GRID1: variants seen among roughly 807,000 people sequenced by gnomAD.
The protein encoded by GRID1 is glutamate ionotropic receptor delta type subunit 1.
Under a neutral mutation model 98.0 loss-of-function variants are expected in GRID1, and 28 were observed. The ratio of observed to expected loss-of-function variants is 0.29; its 90% confidence interval spans 0.21 to 0.39. The LOEUF is 0.39. GRID1 is among the 10% of genes least tolerant of loss of function. GRID1 has a pLI of 1.00. For synonymous variants in GRID1, 553 were observed against 538.5 expected (o/e 1.03, Z -0.37); for missense variants, 1,111 against 1,340.5 (o/e 0.83, Z 2.67).
chr10:86,127,505 A>C (rs1844771687), intron 4 of GRID1, among the ~76,000 whole-genome samples: 1 of 152,166 alleles, frequency 6.6e-6, no homozygotes, highest in Non-Finnish European at 1.5e-5. Flanking sequence ...TGCTCCTGAA[A>C]AAGATCCGAA....
chr10:85,631,861 G>A (rs1442727815), intron 13 of GRID1, among the ~76,000 whole-genome samples: 1 of 152,148 alleles, frequency 6.6e-6, no homozygotes, highest in Admixed American at 6.5e-5. Context: ...CCAGGAAATT[G>A]AAACAACTTA....
chr10:85,712,427 T>C (rs969762861), intron 12 of GRID1, among the ~76,000 whole-genome samples: 4 of 151,858 alleles, frequency 2.6e-5, no homozygotes, highest in African/African-American at 9.7e-5. Flanking sequence ...AAATATGTTA[T>C]GTAAATTTTG....
At chr10:86,047,506 T>G (rs1843440381) in intron 4 of GRID1, among the ~76,000 whole-genome samples, 1 of 152,216 alleles carries the variant, frequency 6.6e-6, no homozygotes, top group African/African-American at 2.4e-5. Flanking sequence ...TCATGGTTAA[T>G]TAGTACTTTT....
At chr10:85,742,009 G>C (rs1259143013) in intron 8 of GRID1, among the ~76,000 whole-genome samples, 1 of 152,064 alleles carries the variant, frequency 6.6e-6, no homozygotes, top group East Asian at 1.9e-4. Context: ...GGCCTTCTCA[G>C]GTTCAATCTT....
intron 5 of GRID1, among the ~76,000 whole-genome samples, chr10:85,912,396 T>C (rs934909958): frequency 2.6e-5 from 4 of 152,226 alleles, no homozygotes; most frequent in Non-Finnish European, 5.9e-5. Context: ...CTGCGTGCAA[T>C]TATTTCGTCT....
chr10:86,306,807 C>T (rs1324124887), intron 2 of GRID1, among the ~76,000 whole-genome samples: 1 of 152,210 alleles, frequency 6.6e-6, no homozygotes, highest in East Asian at 1.9e-4. Context: ...TCCAGAGAGC[C>T]AGACAGTTCT....
At chr10:85,863,019 T>C (rs1304816859) in intron 6 of GRID1, among the ~76,000 whole-genome samples, 4 of 152,098 alleles carry the variant, frequency 2.6e-5, no homozygotes. Context: ...GCAGCTACAA[T>C]GCAAATGCCC....
intron 8 of GRID1, among the ~76,000 whole-genome samples, chr10:85,853,682 C>T (rs1289673152): frequency 6.6e-6 from 1 of 152,224 alleles, no homozygotes; most frequent in African/African-American, 2.4e-5. Context: ...TACCCACCAT[C>T]AGCTCCACAT....
chr10:86,006,615 T>TA lies in GRID1; in HGVS notation c.727-90377dup, dbSNP rs756394543. Among the ~76,000 whole-genome samples the TA allele has an allele frequency of 1.7e-3, 244 of 140,748 alleles. 1 individual carries two copies. The highest frequency in any genetic ancestry group is 0.011 in the Middle Eastern group (3 of 282). The allele number at this position is 140,748 out of a possible 152,430, so 92.3% of individuals were successfully genotyped here. On this transcript the variant is annotated intron_variant, in intron 4 of 15. Transcript: ENST00000327946. ...CCTGGCGACAGAGCGAGACGCCGTC[T>TA]AAAAAAAAAAAAGCACTTAAATGAC...
At chr10:86,090,478 G>A (rs1246379287) in intron 4 of GRID1, among the ~76,000 whole-genome samples, 2 of 150,978 alleles carry the variant, frequency 1.3e-5, no homozygotes, top group Non-Finnish European at 2.9e-5. Flanking sequence ...AGACAGAATA[G>A]ACTGAAATTT....
chr10:86,116,059 C>T (rs1294509899), intron 4 of GRID1, among the ~76,000 whole-genome samples: 1 of 152,148 alleles, frequency 6.6e-6, no homozygotes. Flanking sequence ...GTAGGCTGTA[C>T]TGTCTAGGTT....
chr10:86,319,162 A>G (rs1352052891), intron 2 of GRID1, among the ~76,000 whole-genome samples: 1 of 152,160 alleles, frequency 6.6e-6, no homozygotes, highest in Non-Finnish European at 1.5e-5. Flanking sequence ...GGAGGCACCC[A>G]GGGAGAAAGG....
At chr10:86,354,426 C>T (rs946784717) in intron 2 of GRID1, among the ~76,000 whole-genome samples, 1 of 152,192 alleles carries the variant, frequency 6.6e-6, no homozygotes, top group Non-Finnish European at 1.5e-5. Flanking sequence ...CCGGCACCCA[C>T]GCCCTCAATG....
intron 2 of GRID1, among the ~76,000 whole-genome samples, chr10:86,335,824 C>T (rs773847028): frequency 3.3e-5 from 5 of 152,240 alleles, no homozygotes; most frequent in Non-Finnish European, 7.3e-5. Flanking sequence ...AAACTCCTCA[C>T]ACTTCCCATG....
At chr10:85,909,299 G>A (rs951983646) in intron 5 of GRID1, among the ~76,000 whole-genome samples, 3 of 152,142 alleles carry the variant, frequency 2.0e-5, no homozygotes, top group Non-Finnish European at 2.9e-5. Context: ...ACCAAGTACC[G>A]AAGAGGATAT....
intron 9 of GRID1, 86 bp from the exon 10 acceptor site, chr10:85,728,138 G>T: frequency 2.0e-6 from 2 of 1,011,526 alleles, no homozygotes; most frequent in Non-Finnish European, 3.1e-6. Flanking sequence ...AGAAAGATCT[G>T]ATTAGAACAT....
At chr10:85,753,835 T>G (rs1842070707) in intron 8 of GRID1, among the ~76,000 whole-genome samples, 1 of 152,182 alleles carries the variant, frequency 6.6e-6, no homozygotes, top group South Asian at 2.1e-4. Context: ...CCCTTCTTCT[T>G]GTGTTCCGGA....
chr10:86,029,157 C>T (rs1843153328), intron 4 of GRID1, among the ~76,000 whole-genome samples: 1 of 152,196 alleles, frequency 6.6e-6, no homozygotes, highest in Non-Finnish European at 1.5e-5. Flanking sequence ...TTAACATTTC[C>T]AAAAACACAC....
intron 4 of GRID1, among the ~76,000 whole-genome samples, chr10:85,990,911 T>C (rs534728352): frequency 6.6e-6 from 1 of 152,166 alleles, no homozygotes; most frequent in Non-Finnish European, 1.5e-5. Context: ...ATGATACCCA[T>C]AACTTTAAGG....
Sources: allele counts gnomAD v4.1 joint callset (sites outside exome capture counted in the v4.1 genomes callset), GRCh38; gene constraint gnomAD v4.1.1; transcripts MANE v1.5; gene names NCBI Gene and HGNC (gene_info 2026-07-23, HGNC 2026-07-21).